The following HDAC4 variants were observed in gnomAD, a reference collection of about 807,000 sequenced individuals.
The protein encoded by HDAC4 is histone deacetylase 4.
HDAC4 carries 16 observed loss-of-function variants against 135.1 expected under a neutral mutation model. The ratio of observed to expected loss-of-function variants is 0.12; its 90% confidence interval spans 0.08 to 0.18. The LOEUF is 0.18. Ranked by LOEUF, HDAC4 falls within the 10% of genes least tolerant of loss-of-function variation. HDAC4 has a pLI of 1.00. For synonymous variants in HDAC4, 685 were observed against 653.4 expected, an observed-to-expected ratio of 1.05 and a Z score of -0.74; for missense variants, 1,143 against 1,511.8, an observed-to-expected ratio of 0.76 and a Z score of 4.05.
chr2:239,378,679 G>A (rs753430522), intron 1 of HDAC4, among the ~76,000 whole-genome samples: 158 of 127,416 alleles, frequency 1.2e-3, no homozygotes, highest in Non-Finnish European at 2.7e-3. Context: ...AATGACCCCG[G>A]GAACCAATGA....
intron 2 of HDAC4, among the ~76,000 whole-genome samples, chr2:239,273,002 G>C (rs61247081): frequency 0.14 from 21,124 of 152,160 alleles, 2,062 homozygotes; most frequent in East Asian, 0.43. Context: ...GCACAGGAAG[G>C]ATAAATGATA....
At chr2:239,157,043 G>T (rs1051870437) in intron 6 of HDAC4, among the ~76,000 whole-genome samples, 1 of 152,224 alleles carries the variant, frequency 6.6e-6, no homozygotes, top group African/African-American at 2.4e-5. Flanking sequence ...TTTCCTGGTG[G>T]CTGTTCTCCA....
chr2:239,278,018 T>C lies in HDAC4; in HGVS notation c.23-41354A>G, dbSNP rs146899849. 8.2e-4 allele frequency among the ~76,000 whole-genome samples: 48 copies of C among 58,656 alleles called. 1 individual carries two copies. Among genetic ancestry groups the C allele is most frequent in the Admixed American group, 3.0e-3 (18 of 5,962 alleles). 38.5% of individuals were successfully genotyped at this position (58,656 alleles called of 152,430 possible). A position where few individuals can be genotyped will look rare whatever the true frequency, so the allele number is the denominator to read the frequency against. On this transcript the variant is annotated intron_variant, in intron 2 of 26. Transcript: ENST00000543185. Reference sequence around the variant, plus strand: ...AGCCACACACCCCAGCCACACACCCTAGCAACACACTCCAGCCACACGCTC... The same window carrying C: ...AGCCACACACCCCAGCCACACACCCCAGCAACACACTCCAGCCACACGCTC...
intron 19 of HDAC4, among the ~76,000 whole-genome samples, chr2:239,084,700 C>A (rs2035726562): frequency 1.6e-5 from 2 of 121,906 alleles, no homozygotes; most frequent in South Asian, 5.5e-4. Context: ...GACACACACA[C>A]CATGCAACAC....
chr2:239,239,792 C>T (rs541775700), intron 2 of HDAC4, among the ~76,000 whole-genome samples: 6 of 152,290 alleles, frequency 3.9e-5, no homozygotes, highest in Admixed American at 1.3e-4. Context: ...TGTTCTGAGG[C>T]GGCACTGGGT....
intron 12 of HDAC4, among the ~76,000 whole-genome samples, chr2:239,119,760 A>G (rs1313632879): frequency 6.6e-6 from 1 of 152,078 alleles, no homozygotes; most frequent in Admixed American, 6.5e-5. Flanking sequence ...TGGGCAGGAG[A>G]GGCTGCGGGT....
chr2:239,163,166 C>G (rs546781732), intron 6 of HDAC4, among the ~76,000 whole-genome samples: 2 of 152,210 alleles, frequency 1.3e-5, no homozygotes, highest in Admixed American at 1.3e-4. Context: ...TGGTCTCTGT[C>G]AATTGCGTGG....
In HDAC4 at chr2:239,048,498, C is replaced by A. The variant is rs570459200; in HGVS notation, c.*4599G>T. 6.6e-6 allele frequency: 1 copy of A among 152,200 alleles called. No individual in the cohort carries two copies. The highest frequency in any genetic ancestry group is 6.5e-5 in the Admixed American group (1 of 15,282). The allele number at this position is 152,200 out of a possible 1,614,324, so 9.4% of individuals were successfully genotyped here. ...CATCAGGTAGGTTACAGTGTCGTTA[C>A]AACTTGGTTTTCTACCACATTCCGT... On this transcript the variant is annotated 3_prime_UTR_variant, in exon 27 of 27. Coordinates refer to ENST00000543185, the MANE Select transcript of HDAC4 (RefSeq NM_001378414.1).
At chr2:239,199,697 G>T (rs2045633961) in intron 3 of HDAC4, among the ~76,000 whole-genome samples, 1 of 151,510 alleles carries the variant, frequency 6.6e-6, no homozygotes, top group Admixed American at 6.6e-5. Flanking sequence ...GCAGCGCCCT[G>T]TTCTGCTACC....
chr2:239,107,920 G>T, intron 15 of HDAC4, 130 bp downstream of exon 15: 1 of 1,140,514 alleles, frequency 8.8e-7, no homozygotes, highest in Non-Finnish European at 1.3e-6. Context: ...GATGCTTGTG[G>T]CCCTTCCCCC....
chr2:239,187,339 G>A (rs146234861), intron 4 of HDAC4, among the ~76,000 whole-genome samples: 2 of 152,272 alleles, frequency 1.3e-5, no homozygotes, highest in East Asian at 1.9e-4. Flanking sequence ...AAGGAGCTAC[G>A]GTACTCATTT....
Position 239,103,291 on chromosome 2 carries a change from C to T in HDAC4, c.2113-395G>A, listed in dbSNP as rs557497010. 2.9e-4 allele frequency among the ~76,000 whole-genome samples: 44 copies of T among 152,208 alleles called. 1 individual carries two copies. In the South Asian group the frequency reaches 8.1e-3, roughly 28 times the overall value. On this transcript the variant is annotated intron_variant, in intron 15 of 26. Transcript: ENST00000543185. ...TCAAGGGAAACCCCAGCCGCGCTCC[C>T]GGAGTCTCTGAGCCCCAGGATGAAG...
At position 239,126,596 on chromosome 2, in the gene HDAC4, G is replaced by A. The variant is rs772300438; in HGVS notation, c.1393C>T (p.Arg465Cys). 5.0e-6 allele frequency: 8 copies of A among 1,613,864 alleles called. No individual in the cohort carries two copies. In the Admixed American group the frequency reaches 8.3e-5, roughly 17 times the overall value. ...GCCGACTGGGTCCGCCCCAGTGGGCGGTGCTGCCGCAGCTTGTGGATGGAG... is the reference window on the plus strand; with the variant it reads ...GCCGACTGGGTCCGCCCCAGTGGGCAGTGCTGCCGCAGCTTGTGGATGGAG... ...SPSIHKLRQH[R>C]PLGRTQSAPL... The change falls in exon 12 of 27, where the codon CGC (arginine) becomes TGC (cysteine). Residue 465 changes from arginine to cysteine, a missense_variant. By Grantham distance (180) the Arg-to-Cys change is radical (BLOSUM62 -3). Around this residue, in one of 9 missense-constraint regions of HDAC4, gnomAD observed 272 missense variants for 309.7 expected, o/e 0.88. Transcript: ENST00000543185.
In HDAC4 at chr2:239,352,797, A is replaced by C; in HGVS notation, c.-98T>G. 1 of 1,188,070 alleles carries C rather than the reference A, an allele frequency of 8.4e-7. No homozygotes were observed. The highest frequency in any genetic ancestry group is 1.2e-6 in the Non-Finnish European group (1 of 816,702). 73.6% of individuals were successfully genotyped at this position (1,188,070 alleles called of 1,614,324 possible). ...GCTCCAAACTCCCACCAACACATAC[A>C]AGTACCGGGACGGTGAGGGCTGGGT... is the stretch of plus-strand genomic sequence containing the variant. On this transcript the variant is annotated 5_prime_UTR_variant, in exon 2 of 27. Transcript: ENST00000543185. The surrounding 1 kb of genome is among the most constrained non-coding windows in gnomAD (Gnocchi z 4.4).
chr2:239,258,397 A>G (rs544868759), intron 2 of HDAC4, among the ~76,000 whole-genome samples: 2 of 151,376 alleles, frequency 1.3e-5, no homozygotes, highest in East Asian at 4.0e-4. Context: ...GCTGAAAACA[A>G]AAACGGCCGT....
chr2:239,246,031 C>G (rs1038915809), intron 2 of HDAC4, among the ~76,000 whole-genome samples: 1 of 152,208 alleles, frequency 6.6e-6, no homozygotes, highest in South Asian at 2.1e-4. Flanking sequence ...ATGGGGTCTG[C>G]CTGGTGCCAG....
intron 13 of HDAC4, among the ~76,000 whole-genome samples, chr2:239,113,829 TTCTC>T (rs963403461): frequency 1.3e-4 from 20 of 152,098 alleles, no homozygotes; most frequent in Admixed American, 3.9e-4. Context: ...GCCCGGGGCT[TTCTC>T]TCTCTGTCTT....
chr2:239,391,147 G>A (rs111509021), intron 1 of HDAC4, among the ~76,000 whole-genome samples: 1,818 of 152,322 alleles, frequency 0.012, 16 homozygotes, highest in Middle Eastern at 0.061. Context: ...CCACCATCAC[G>A]AGCCGGGCTC....
intron 14 of HDAC4, among the ~76,000 whole-genome samples, chr2:239,108,596 C>T (rs538052594): frequency 1.3e-5 from 2 of 152,292 alleles, no homozygotes; most frequent in East Asian, 1.9e-4. Flanking sequence ...GCGACTCTAG[C>T]CCCCTACCCT....
Sources: gnomAD v4.1 joint callset for allele counts (sites outside exome capture counted in the v4.1 genomes callset) on GRCh38, gnomAD v4.1.1 for gene constraint, gnomAD v4.1.1 regional missense constraint, Gnocchi (gnomAD v3.1) non-coding constraint, MANE v1.5 for transcripts, NCBI Gene and HGNC (gene_info 2026-07-23, HGNC 2026-07-21) for gene names.